DNAI3: variants seen among roughly 807,000 people sequenced by gnomAD.
DNAI3 encodes dynein axonemal intermediate chain 3.
Under a neutral mutation model 115.5 loss-of-function variants are expected in DNAI3, and 83 were observed. The ratio of observed to expected loss-of-function variants is 0.72; its 90% CI spans 0.60 to 0.86. DNAI3 has a LOEUF of 0.86. DNAI3 is among the 40% of genes least tolerant of loss of function. DNAI3 has a pLI of 0.00. For synonymous variants in DNAI3, 320 were observed against 347.0 expected (o/e 0.92, Z 0.86); for missense variants, 1,004 against 1,075.8 (o/e 0.93, Z 0.93).
At chr1:85,096,111 CAATTCA>C in intron 11 of DNAI3, 91 bp downstream of exon 11, 1 of 1,198,660 alleles carries the variant, frequency 8.3e-7, no homozygotes, top group Non-Finnish European at 1.2e-6. Context: ...CTTAAGGATT[CAATTCA>C]GCAGAAGGAA....
At chr1:85,092,881 G>A (rs143778769) in intron 8 of DNAI3, among the ~76,000 whole-genome samples, 70 of 151,142 alleles carry the variant, frequency 4.6e-4, no homozygotes, top group African/African-American at 1.7e-3. Context: ...CTTATTTGTT[G>A]TTTTGAATTA....
intron 19 of DNAI3, among the ~76,000 whole-genome samples, chr1:85,126,235 T>C (rs1348933794): frequency 6.6e-6 from 1 of 152,230 alleles, no homozygotes; most frequent in Non-Finnish European, 1.5e-5. Flanking sequence ...GAAGCAGTAG[T>C]GGGTTTAGAA....
chr1:85,109,335 A>G (rs1011918585), intron 15 of DNAI3, among the ~76,000 whole-genome samples: 1 of 152,166 alleles, frequency 6.6e-6, no homozygotes. Flanking sequence ...TTTGCTCCCA[A>G]TGGAAGAGAG....
chr1:85,075,379 A>G, intron 3 of DNAI3, among the ~76,000 whole-genome samples: 1 of 152,234 alleles, frequency 6.6e-6, no homozygotes, highest in East Asian at 1.9e-4. Flanking sequence ...GTATTCATTG[A>G]AAGTAAATGA....
chr1:85,128,278 ATTC>A (rs1656210115), intron 20 of DNAI3, among the ~76,000 whole-genome samples: 1 of 152,152 alleles, frequency 6.6e-6, no homozygotes, highest in African/African-American at 2.4e-5. Flanking sequence ...CATCTTTGAA[ATTC>A]TTCTGGATGA....
intron 5 of DNAI3, among the ~76,000 whole-genome samples, chr1:85,083,556 A>G (rs908227437): frequency 1.3e-5 from 2 of 151,848 alleles, no homozygotes; most frequent in African/African-American, 4.8e-5. Flanking sequence ...TAGCCTTAAC[A>G]TTTTCAATTT....
At chr1:85,109,892 A>G (rs1655600065) in intron 15 of DNAI3, among the ~76,000 whole-genome samples, 156 bp from the exon 16 acceptor site, 1 of 152,052 alleles carries the variant, frequency 6.6e-6, no homozygotes, top group South Asian at 2.1e-4. Flanking sequence ...TCCATGGAGG[A>G]AAGAAACTAG....
At chr1:85,131,472 T>G in intron 22 of DNAI3, among the ~76,000 whole-genome samples, 1 of 146,552 alleles carries the variant, frequency 6.8e-6, no homozygotes, top group Non-Finnish European at 1.5e-5. Flanking sequence ...AATAAAGCAT[T>G]AGCATGTGGA....
chr1:85,117,798 G>C lies in DNAI3; in HGVS notation c.1856G>C (p.Gly619Ala), dbSNP rs751961567. The change falls in exon 17 of 23, where the codon GGG (glycine) becomes GCG (alanine). Residue 619 changes from glycine (G) to alanine (A), a missense_variant. Gly to Ala is a moderately conservative substitution (Grantham distance 60, BLOSUM62 0). Coordinates refer to ENST00000294664, the MANE Select transcript of DNAI3 (RefSeq NM_145172.5). ...AACCCGTATCATAATCTGGAAAGTG[G>C]GATGGCCAATCTTCTCAAGCCAATA... Reference protein sequence around the residue: ...EMNPYHNLESGMANLLKPIDD... With the variant: ...EMNPYHNLESAMANLLKPIDD... The C allele has an allele frequency of 4.3e-6, 7 of 1,613,764 alleles. No homozygotes were observed. Among genetic ancestry groups the C allele is most frequent in the Non-Finnish European group, 1.7e-6 (2 of 1,179,836 alleles).
intron 7 of DNAI3, 128 bp downstream of exon 7, chr1:85,086,158 A>G: frequency 1.2e-6 from 1 of 839,848 alleles, no homozygotes; most frequent in East Asian, 2.7e-5. Context: ...ATAGATCTCC[A>G]CAGAGTAATT....
intron 1 of DNAI3, among the ~76,000 whole-genome samples, chr1:85,065,834 C>T: frequency 6.6e-6 from 1 of 152,120 alleles, no homozygotes; most frequent in East Asian, 1.9e-4. Flanking sequence ...TTACTTATGC[C>T]TTCATCTATA....
chr1:85,078,793 G>A (rs1367968885), intron 3 of DNAI3, among the ~76,000 whole-genome samples: 3 of 152,174 alleles, frequency 2.0e-5, no homozygotes, highest in East Asian at 3.9e-4. Flanking sequence ...AGTTATCACT[G>A]TTTGCCAACT....
chr1:85,124,019 A>T, intron 18 of DNAI3, 102 bp from the exon 19 acceptor site: 2 of 1,500,812 alleles, frequency 1.3e-6, no homozygotes, highest in Non-Finnish European at 1.8e-6. Flanking sequence ...CCCCGACCCC[A>T]TTCATGGGGC....
intron 22 of DNAI3, among the ~76,000 whole-genome samples, chr1:85,130,624 T>C (rs1337749424): frequency 6.6e-6 from 1 of 152,032 alleles, no homozygotes; most frequent in Non-Finnish European, 1.5e-5. Flanking sequence ...TTTCAGTAAA[T>C]AGTGCTATTA....
intron 13 of DNAI3, among the ~76,000 whole-genome samples, chr1:85,101,727 CAAAA>C (rs72166976): frequency 1.8e-3 from 26 of 14,432 alleles, no homozygotes; most frequent in Admixed American, 7.0e-3. Flanking sequence ...GACTCCATCT[CAAAA>C]AAAAAAAAAA....
chr1:85,126,554 C>A lies in DNAI3; in HGVS notation c.2156C>A (p.Thr719Asn). ...LQSCCAPKRY[T>N]SGHWSLTRPG... ...TCATGCTGTGCACCAAAAAGGTACA[C>A]CTCAGGCCACTGGTCCCTGACTCGG... Residue 719 changes from threonine (T) to asparagine (N), a missense_variant, in exon 20 of 23, where the codon ACC becomes AAC. Transcript: ENST00000294664. The A allele has an allele frequency of 6.2e-7, 1 of 1,614,144 alleles. No homozygotes were observed. Among genetic ancestry groups the A allele is most frequent in the Non-Finnish European group, 8.5e-7 (1 of 1,180,008 alleles).
At chr1:85,099,928 G>A (rs968339832) in intron 13 of DNAI3, among the ~76,000 whole-genome samples, 2 of 152,080 alleles carry the variant, frequency 1.3e-5, no homozygotes, top group African/African-American at 4.8e-5. Flanking sequence ...TATGTAGAAA[G>A]CTGAAACTGG....
chr1:85,112,055 TC>T, intron 16 of DNAI3, among the ~76,000 whole-genome samples: 1 of 131,392 alleles, frequency 7.6e-6, no homozygotes, highest in Admixed American at 7.6e-5. Flanking sequence ...CAGTATATAC[TC>T]TTTTTTTTTT....
intron 3 of DNAI3, among the ~76,000 whole-genome samples, chr1:85,078,558 A>C (rs927283903): frequency 2.0e-5 from 3 of 152,120 alleles, no homozygotes; most frequent in African/African-American, 7.2e-5. Context: ...AGCCCATCTC[A>C]TTGCTGATCA....
Sources: allele counts gnomAD v4.1 joint callset (sites outside exome capture counted in the v4.1 genomes callset), GRCh38; gene constraint gnomAD v4.1.1; transcripts MANE v1.5; gene names NCBI Gene and HGNC (gene_info 2026-07-23, HGNC 2026-07-21).